GLIS3: variants seen among roughly 807,000 people sequenced by gnomAD.
The protein encoded by GLIS3 is GLIS family zinc finger 3.
GLIS3 carries 53 observed loss-of-function variants against 78.6 expected under a neutral mutation model. The ratio of observed to expected loss-of-function variants is 0.67; its 90% CI spans 0.54 to 0.85. The LOEUF (loss-of-function observed/expected upper bound fraction) is 0.85, where lower values mean the gene tolerates loss of function less well. Among genes scored for constraint, GLIS3 ranks in the 40% least tolerant of loss-of-function variants. The pLI, the probability that GLIS3 is intolerant of heterozygous loss-of-function variation, is 0.00. For synonymous variants in GLIS3, 684 were observed against 509.9 expected (o/e 1.34, Z -4.60); for missense variants, 1,703 against 1,231.1 (o/e 1.38, Z -5.74).
intron 6 of GLIS3, among the ~76,000 whole-genome samples, chr9:3,913,400 T>C (rs1432453698): frequency 1.3e-5 from 2 of 152,178 alleles, no homozygotes; most frequent in Non-Finnish European, 1.5e-5. Flanking sequence ...CCCCTAAACA[T>C]TACCTACAGC....
At chr9:4,271,622 A>T (rs756780547) in intron 2 of GLIS3, among the ~76,000 whole-genome samples, 1 of 152,202 alleles carries the variant, frequency 6.6e-6, no homozygotes, top group Non-Finnish European at 1.5e-5. Context: ...CCCTCCTCTT[A>T]GGTGCCATGA....
At chr9:4,246,151 T>G (rs936640480) in intron 2 of GLIS3, among the ~76,000 whole-genome samples, 1 of 152,096 alleles carries the variant, frequency 6.6e-6, no homozygotes, top group Non-Finnish European at 1.5e-5. Context: ...CTGAGGCAAG[T>G]AGTTCAAGGC....
intron 2 of GLIS3, among the ~76,000 whole-genome samples, chr9:4,258,482 G>A (rs1286544600): frequency 1.3e-5 from 2 of 152,110 alleles, no homozygotes; most frequent in Non-Finnish European, 2.9e-5. Context: ...TTGTCTTTGG[G>A]GCTTTGTCTT....
At chr9:4,111,030 T>C (rs984266346) in intron 4 of GLIS3, among the ~76,000 whole-genome samples, 1 of 152,136 alleles carries the variant, frequency 6.6e-6, no homozygotes, top group Non-Finnish European at 1.5e-5. Flanking sequence ...TCTAATATAT[T>C]GCCAAACAAA....
chr9:4,412,107 T>G, the GLIS3 span, among the ~76,000 whole-genome samples: 2 of 152,214 alleles, frequency 1.3e-5, no homozygotes, highest in African/African-American at 2.4e-5. Flanking sequence ...GAAAATGTCT[T>G]GCTCATCCTA....
At chr9:4,044,992 T>C (rs1362794016) in intron 4 of GLIS3, among the ~76,000 whole-genome samples, 1 of 152,134 alleles carries the variant, frequency 6.6e-6, no homozygotes, top group African/African-American at 2.4e-5. Context: ...AGCTGTTTGG[T>C]AGTGCAGGCA....
chr9:4,254,996 A>T (rs1312347838), intron 2 of GLIS3, among the ~76,000 whole-genome samples: 1 of 151,128 alleles, frequency 6.6e-6, no homozygotes, highest in Non-Finnish European at 1.5e-5. Context: ...CAAAATATAT[A>T]AGGAACTCTT....
At chr9:4,469,806 A>T in the GLIS3 span, among the ~76,000 whole-genome samples, 2 of 152,228 alleles carry the variant, frequency 1.3e-5, no homozygotes, top group Non-Finnish European at 2.9e-5. Context: ...TGAAGGAGAT[A>T]GAGACACAAA....
chr9:4,094,280 A>G (rs761662024), intron 4 of GLIS3, among the ~76,000 whole-genome samples: 1 of 152,248 alleles, frequency 6.6e-6, no homozygotes, highest in Non-Finnish European at 1.5e-5. Flanking sequence ...TTGCTAATAT[A>G]CTGTGTTGGT....
chr9:3,880,219 G>A (rs189260859), intron 7 of GLIS3, among the ~76,000 whole-genome samples: 261 of 152,280 alleles, frequency 1.7e-3, no homozygotes, highest in African/African-American at 5.4e-3. Flanking sequence ...CTCAAACTAC[G>A]AAAACACAGC....
the GLIS3 span, among the ~76,000 whole-genome samples, chr9:4,421,551 T>C: frequency 6.6e-6 from 1 of 152,172 alleles, no homozygotes; most frequent in South Asian, 2.1e-4. Flanking sequence ...TAGTTGTGGG[T>C]GAGGCACTCA....
intron 8 of GLIS3, among the ~76,000 whole-genome samples, chr9:3,871,135 C>A (rs985266226): frequency 6.6e-6 from 1 of 152,232 alleles, no homozygotes; most frequent in Non-Finnish European, 1.5e-5. Context: ...TCTCCTTTGA[C>A]TCCATGTCTC....
chr9:3,925,259 C>T (rs1825141116), intron 6 of GLIS3, among the ~76,000 whole-genome samples: 1 of 152,142 alleles, frequency 6.6e-6, no homozygotes, highest in Non-Finnish European at 1.5e-5. Flanking sequence ...CTCTGTGTGA[C>T]TTTATCATAG....
chr9:4,155,545 G>A (rs1286358310), intron 2 of GLIS3, among the ~76,000 whole-genome samples: 1 of 152,104 alleles, frequency 6.6e-6, no homozygotes, highest in African/African-American at 2.4e-5. Context: ...CCTTTTAAAT[G>A]ATGAAATATT....
At chr9:4,104,494 C>G (rs777155925) in intron 4 of GLIS3, among the ~76,000 whole-genome samples, 2 of 152,148 alleles carry the variant, frequency 1.3e-5, no homozygotes, top group Non-Finnish European at 2.9e-5. Context: ...CTTCCAACTT[C>G]CACTCCTTGT....
intron 2 of GLIS3, among the ~76,000 whole-genome samples, chr9:4,208,429 C>T (rs10974395): frequency 0.35 from 53,703 of 152,022 alleles, 10,247 homozygotes; most frequent in Non-Finnish European, 0.44. Flanking sequence ...TGCCTCTGAA[C>T]AGCTTCCAGA....
At chr9:3,829,256 C>G in intron 10 of GLIS3, 54 bp downstream of exon 10, 1 of 1,551,372 alleles carries the variant, frequency 6.4e-7, no homozygotes. Context: ...GGCAGCCCAC[C>G]TGGTCTCTCC....
chr9:4,187,839 T>C (rs545382564), intron 2 of GLIS3, among the ~76,000 whole-genome samples: 2 of 152,152 alleles, frequency 1.3e-5, no homozygotes, highest in African/African-American at 2.4e-5. Context: ...TTTTTGCACA[T>C]TGATTTTGTA....
intron 2 of GLIS3, among the ~76,000 whole-genome samples, chr9:4,186,506 A>T (rs1167059558): frequency 6.6e-6 from 1 of 151,924 alleles, no homozygotes; most frequent in African/African-American, 2.4e-5. Flanking sequence ...TCCTTTGGGT[A>T]TATACCCACT....
Sources: allele counts gnomAD v4.1 joint callset (sites outside exome capture counted in the v4.1 genomes callset), GRCh38; gene constraint gnomAD v4.1.1; transcripts MANE v1.5; gene names NCBI Gene and HGNC (gene_info 2026-07-23, HGNC 2026-07-21).